MACROH2A1: variants seen among roughly 807,000 people sequenced by gnomAD.
MACROH2A1 encodes core histone macro-H2A.1.
Under a neutral mutation model 31.6 loss-of-function variants are expected in MACROH2A1, and 2 were observed. The observed-to-expected ratio is 0.06, with a 90% CI of 0.03 to 0.20. The LOEUF is 0.20. Ranked by LOEUF, MACROH2A1 falls within the 10% of genes least tolerant of loss-of-function variation. The pLI is 1.00. For missense variants in MACROH2A1, 230 were observed against 474.0 expected (o/e 0.49, Z 4.78); for synonymous variants, 169 against 189.6 (o/e 0.89, Z 0.89).
intron 8 of MACROH2A1, among the ~76,000 whole-genome samples, chr5:135,339,845 C>A (rs987407482): frequency 2.0e-5 from 3 of 152,200 alleles, no homozygotes; most frequent in South Asian, 2.1e-4. Context: ...AGCTGTGCCC[C>A]CTGCAGCTAG....
At chr5:135,350,648 T>C (rs1761412960) in intron 6 of MACROH2A1, 1 of 517,400 alleles carries the variant, frequency 1.9e-6, no homozygotes, top group Admixed American at 3.5e-5. Flanking sequence ...CATGACATCC[T>C]GGCTGACAGC....
intron 5 of MACROH2A1, chr5:135,359,073 C>G (rs1300856290): frequency 1.0e-6 from 1 of 985,256 alleles, no homozygotes; most frequent in East Asian, 1.1e-4. Context: ...TTTGCTGCTA[C>G]TTTGGAAATA....
At chr5:135,382,786 G>C (rs1172170186) in intron 2 of MACROH2A1, among the ~76,000 whole-genome samples, 1 of 152,218 alleles carries the variant, frequency 6.6e-6, no homozygotes, top group East Asian at 1.9e-4. Context: ...ATTATAGTCT[G>C]ACCGCTGGCC....
At chr5:135,394,502 C>G (rs1172258699) in intron 1 of MACROH2A1, among the ~76,000 whole-genome samples, 2 of 152,208 alleles carry the variant, frequency 1.3e-5, no homozygotes, top group Non-Finnish European at 1.5e-5. Context: ...CCAGTTCCCT[C>G]AATGGATGTG....
intron 6 of MACROH2A1, chr5:135,347,412 C>CGAG (rs1414398764): frequency 6.6e-5 from 10 of 152,240 alleles, no homozygotes; most frequent in African/African-American, 2.4e-4. Context: ...GGGGAGCTCT[C>CGAG]AGCTGTGTCC....
chr5:135,381,870 C>T (rs1005404395), intron 2 of MACROH2A1, among the ~76,000 whole-genome samples: 3 of 152,160 alleles, frequency 2.0e-5, no homozygotes, highest in Admixed American at 1.3e-4. Context: ...CTAACGTATG[C>T]TTAATCTGTG....
chr5:135,359,846 A>G, intron 5 of MACROH2A1: 1 of 970,220 alleles, frequency 1.0e-6, no homozygotes, highest in Non-Finnish European at 1.2e-6. Flanking sequence ...TCTCATTCTC[A>G]GGTCTTAAAA....
At chr5:135,389,159 G>A in intron 1 of MACROH2A1, 33 bp from the exon 2 acceptor site, 1 of 1,508,528 alleles carries the variant, frequency 6.6e-7, no homozygotes, top group Non-Finnish European at 9.1e-7. Flanking sequence ...GGTCAGGGTG[G>A]CTGGGGACAG....
intron 7 of MACROH2A1, chr5:135,343,955 G>C: frequency 6.1e-6 from 1 of 164,696 alleles, no homozygotes; most frequent in Non-Finnish European, 1.3e-5. Flanking sequence ...TAAATGATCT[G>C]CTAAGCAACC....
chr5:135,363,956 G>C (rs1052557176), intron 4 of MACROH2A1, among the ~76,000 whole-genome samples: 2 of 152,142 alleles, frequency 1.3e-5, no homozygotes, highest in Non-Finnish European at 2.9e-5. Flanking sequence ...GTGTCTGTTG[G>C]CTGCATAAAT....
At chr5:135,386,300 A>G (rs1217129383) in intron 2 of MACROH2A1, among the ~76,000 whole-genome samples, 1 of 152,176 alleles carries the variant, frequency 6.6e-6, no homozygotes, top group Non-Finnish European at 1.5e-5. Flanking sequence ...GTGACTGGGC[A>G]TGCATTAACT....
chr5:135,341,251 T>C (rs912785141), intron 8 of MACROH2A1, among the ~76,000 whole-genome samples: 3 of 152,188 alleles, frequency 2.0e-5, no homozygotes, highest in Admixed American at 6.5e-5. Context: ...GAGAGGCTGA[T>C]TCATTTAACC....
At position 135,360,630 on chromosome 5, in the gene MACROH2A1, A is replaced by G. The variant is rs1390941882; in HGVS notation, c.478-23T>C. On this transcript the variant is annotated intron_variant, in intron 4 of 8. Transcript: ENST00000511689. ...CTTCTTGCACAGACGGAAGGGTCAG[A>G]ATGTGGGCCACACAGACACAGGCAT... 12 of 1,520,796 alleles carry G rather than the reference A, an allele frequency of 7.9e-6. No homozygotes were observed. The South Asian group carries it at 1.2e-4, about 16-fold the overall frequency. 94.2% of individuals were successfully genotyped at this position (1,520,796 alleles called of 1,614,324 possible).
At chr5:135,372,956 G>A (rs1391537592) in intron 2 of MACROH2A1, among the ~76,000 whole-genome samples, 1 of 152,222 alleles carries the variant, frequency 6.6e-6, no homozygotes, top group African/African-American at 2.4e-5. Context: ...GAGGCTGATG[G>A]ATTACAATCT....
chr5:135,345,845 C>T, intron 7 of MACROH2A1, 123 bp downstream of exon 7: 1 of 688,136 alleles, frequency 1.5e-6, no homozygotes, highest in East Asian at 2.6e-5. Flanking sequence ...CTGTCCTTGG[C>T]CTCCATCTTG....
chr5:135,378,573 G>T (rs967288742), intron 2 of MACROH2A1, among the ~76,000 whole-genome samples: 1 of 152,170 alleles, frequency 6.6e-6, no homozygotes, highest in Non-Finnish European at 1.5e-5. Flanking sequence ...TGAGGTGTAC[G>T]GTGGCTGCTT....
At chr5:135,391,526 T>C (rs1266233668) in intron 1 of MACROH2A1, among the ~76,000 whole-genome samples, 1 of 152,226 alleles carries the variant, frequency 6.6e-6, no homozygotes, top group East Asian at 1.9e-4. Context: ...CTCCTCTGAC[T>C]CTAGCTGAGT....
rs953758654 is a variant in MACROH2A1 at position 135,398,527 on chromosome 5, C to G, written c.-34+535G>C. Among the ~76,000 whole-genome samples, 2 of 152,240 alleles carry G rather than the reference C, an allele frequency of 1.3e-5. No homozygotes were observed. The highest frequency in any genetic ancestry group is 1.3e-4 in the Admixed American group (2 of 15,284). ...ATCCCGCGAGTAGCCCCCGCCTTCC[C>G]CTCCCTGCAGATAGCGAGCCAGACG... On this transcript the variant is annotated intron_variant, in intron 1 of 8. Transcript: ENST00000511689. This position sits in a 1 kb window ranked among gnomAD's most constrained non-coding sequence, Gnocchi z 4.6.
upstream of MACROH2A1, chr5:135,399,237 G>C (rs2150017036): frequency 6.6e-6 from 1 of 151,938 alleles, no homozygotes; most frequent in Non-Finnish European, 1.5e-5. The surrounding 1 kb of genome is among the most constrained non-coding windows in gnomAD (Gnocchi z 4.5). Context: ...ACTGGAACCA[G>C]TCCTCGCGGC....
Sources: allele counts gnomAD v4.1 joint callset (sites outside exome capture counted in the v4.1 genomes callset), GRCh38; gene constraint gnomAD v4.1.1; non-coding constraint Gnocchi (gnomAD v3.1); transcripts MANE v1.5; gene names NCBI Gene and HGNC (gene_info 2026-07-23, HGNC 2026-07-21).